The following CDH13 variants were observed in gnomAD, a reference collection of about 807,000 sequenced individuals.
The protein encoded by CDH13 is cadherin-13.
A neutral mutation model predicts 63.8 loss-of-function variants in CDH13; 24 were observed. That is an observed-to-expected ratio of 0.38 (90% CI 0.27 to 0.53). The LOEUF (loss-of-function observed/expected upper bound fraction) is 0.53, where lower values mean the gene tolerates loss of function less well. Among genes scored for constraint, CDH13 ranks in the 20% least tolerant of loss-of-function variants. The pLI, the probability that CDH13 is intolerant of heterozygous loss-of-function variation, is 0.85. For missense variants in CDH13, 1,049 were observed against 903.1 expected (o/e 1.16, Z -2.07); for synonymous variants, 503 against 355.3 (o/e 1.42, Z -4.67).
chr16:83,014,195 C>A (rs1914447361), intron 2 of CDH13, among the ~76,000 whole-genome samples: 1 of 151,956 alleles, frequency 6.6e-6, no homozygotes, highest in African/African-American at 2.4e-5. Flanking sequence ...TCTAACCTTC[C>A]CATTCATTGA....
intron 2 of CDH13, among the ~76,000 whole-genome samples, chr16:82,928,963 C>G (rs191700803): frequency 2.5e-3 from 384 of 152,230 alleles, no homozygotes; most frequent in Non-Finnish European, 4.2e-3. Flanking sequence ...TCAATATTAC[C>G]AAAGTGCATA....
At chr16:82,839,654 T>C (rs1425343511) in intron 1 of CDH13, among the ~76,000 whole-genome samples, 2 of 151,956 alleles carry the variant, frequency 1.3e-5, no homozygotes, top group Non-Finnish European at 2.9e-5. Context: ...CCAGATGGGG[T>C]CTGTGGCCAT....
chr16:82,878,778 A>G (rs1386750320), intron 2 of CDH13, among the ~76,000 whole-genome samples: 1 of 151,892 alleles, frequency 6.6e-6, no homozygotes, highest in Non-Finnish European at 1.5e-5. Flanking sequence ...TTCCATTTCA[A>G]AGCACCAAGA....
intron 9 of CDH13, among the ~76,000 whole-genome samples, chr16:83,675,616 C>T (rs1914889113): frequency 6.6e-6 from 1 of 152,178 alleles, no homozygotes; most frequent in Non-Finnish European, 1.5e-5. Context: ...AAATATTCAA[C>T]ATTCATCCTG....
intron 1 of CDH13, among the ~76,000 whole-genome samples, chr16:82,738,735 A>C (rs897118073): frequency 6.6e-6 from 1 of 152,190 alleles, no homozygotes; most frequent in Non-Finnish European, 1.5e-5. Context: ...TTTGGGGGAA[A>C]ATGTCATCTC....
At chr16:82,776,386 A>G (rs2035498869) in intron 1 of CDH13, among the ~76,000 whole-genome samples, 1 of 152,216 alleles carries the variant, frequency 6.6e-6, no homozygotes, top group African/African-American at 2.4e-5. Context: ...AAAAAAACCC[A>G]GTGCAGAGTT....
chr16:83,519,723 A>G (rs747208923), intron 7 of CDH13, among the ~76,000 whole-genome samples: 2 of 152,194 alleles, frequency 1.3e-5, no homozygotes, highest in African/African-American at 2.4e-5. Context: ...CTCTAGGGCA[A>G]TGGTGCGGGG....
intron 7 of CDH13, among the ~76,000 whole-genome samples, chr16:83,511,367 C>T (rs1406278330): frequency 6.6e-6 from 1 of 151,842 alleles, no homozygotes; most frequent in African/African-American, 2.4e-5. Context: ...GAGGCTGAAG[C>T]AGGAAGATTG....
chr16:83,552,562 T>A (rs1279081307), intron 7 of CDH13, among the ~76,000 whole-genome samples: 4 of 152,196 alleles, frequency 2.6e-5, no homozygotes, highest in African/African-American at 9.6e-5. Flanking sequence ...ACACTGAAAG[T>A]GCAAATTACT....
chr16:82,687,348 C>T (rs147710193), intron 1 of CDH13, among the ~76,000 whole-genome samples: 2 of 152,118 alleles, frequency 1.3e-5, no homozygotes, highest in Admixed American at 6.6e-5. Flanking sequence ...AGCTGGAGGA[C>T]AACTTTACTG....
intron 6 of CDH13, among the ~76,000 whole-genome samples, chr16:83,450,637 A>C (rs537400700): frequency 2.6e-4 from 39 of 152,198 alleles, no homozygotes; most frequent in Non-Finnish European, 5.4e-4. Context: ...TTGGGAGGCC[A>C]AGGCAGGCAG....
intron 1 of CDH13, among the ~76,000 whole-genome samples, chr16:82,669,066 G>C (rs77304903): frequency 0.04 from 6,071 of 152,266 alleles, 170 homozygotes; most frequent in Non-Finnish European, 0.057. Context: ...CACAAGCCAC[G>C]GATGAGCCTT....
At chr16:83,551,056 A>ATCTATTTATC (rs33969753) in intron 7 of CDH13, among the ~76,000 whole-genome samples, 1 of 148,354 alleles carries the variant, frequency 6.7e-6, no homozygotes, top group African/African-American at 2.5e-5. Flanking sequence ...TAAGTCATTT[A>ATCTATTTATC]TATCTATCTA....
intron 6 of CDH13, among the ~76,000 whole-genome samples, chr16:83,440,572 G>T (rs1192708678): frequency 6.6e-6 from 1 of 152,092 alleles, no homozygotes; most frequent in East Asian, 1.9e-4. Context: ...TTGAGTTGAG[G>T]TCAGGAGTTC....
intron 7 of CDH13, among the ~76,000 whole-genome samples, chr16:83,517,823 G>A (rs1054752771): frequency 8.3e-4 from 126 of 152,182 alleles, no homozygotes; most frequent in African/African-American, 3.0e-3. Flanking sequence ...AATGGTAATA[G>A]AATACACGTG....
intron 2 of CDH13, among the ~76,000 whole-genome samples, chr16:83,026,931 A>G (rs1006491544): frequency 2.6e-5 from 4 of 152,162 alleles, no homozygotes; most frequent in Non-Finnish European, 5.9e-5. Flanking sequence ...GCTGAGTGCC[A>G]TTCTAAATGG....
chr16:82,668,972 G>A (rs937785241), intron 1 of CDH13, among the ~76,000 whole-genome samples: 3 of 152,156 alleles, frequency 2.0e-5, no homozygotes, highest in South Asian at 2.1e-4. Flanking sequence ...GGGCTGCCCC[G>A]GTGTACCTGG....
intron 8 of CDH13, among the ~76,000 whole-genome samples, chr16:83,633,062 C>T (rs776340348): frequency 1.3e-5 from 2 of 152,148 alleles, no homozygotes; most frequent in Admixed American, 6.5e-5. Flanking sequence ...CCAGAGGTCA[C>T]TCTTGTTGCC....
At chr16:83,609,709 C>G (rs1465573180) in intron 8 of CDH13, among the ~76,000 whole-genome samples, 1 of 152,156 alleles carries the variant, frequency 6.6e-6, no homozygotes, top group Non-Finnish European at 1.5e-5. Context: ...TTTTTACTAA[C>G]AGCTTTATTG....
Sources: gnomAD v4.1 joint callset for allele counts (sites outside exome capture counted in the v4.1 genomes callset) on GRCh38, gnomAD v4.1.1 for gene constraint, MANE v1.5 for transcripts, NCBI Gene and HGNC (gene_info 2026-07-23, HGNC 2026-07-21) for gene names.